The following COPZ2 variants were observed in gnomAD, a reference collection of about 807,000 sequenced individuals.
COPZ2 encodes the protein coat protein complex I subunit zeta 2.
In COPZ2, 30 loss-of-function variants were observed where a neutral mutation model predicts 33.2. The observed-to-expected ratio is 0.90, with a 90% CI of 0.68 to 1.23. The LOEUF is 1.23. Among genes scored for constraint, COPZ2 ranks in the 50% most tolerant of loss-of-function variants. The pLI, the probability that COPZ2 is intolerant of heterozygous loss-of-function variation, is 0.00. For synonymous variants in COPZ2, 89 were observed against 102.6 expected (o/e 0.87, Z 0.80); for missense variants, 263 against 262.4 (o/e 1.00, Z -0.02).
At chr17:48,039,250 G>A (rs2037036924), upstream of COPZ2, among the ~76,000 whole-genome samples, 1 of 151,974 alleles carries the variant, frequency 6.6e-6, no homozygotes, top group African/African-American at 2.4e-5. Flanking sequence ...GTGGGCAGAA[G>A]GCTTGAGCCC....
upstream of COPZ2, among the ~76,000 whole-genome samples, chr17:48,040,702 A>G (rs1284802410): frequency 6.6e-6 from 1 of 150,520 alleles, no homozygotes; most frequent in Non-Finnish European, 1.5e-5. Context: ...AAGTGCTGGG[A>G]TTACAGGCAT....
At chr17:48,046,519 T>C in the COPZ2 span, 1 of 152,180 alleles carries the variant, frequency 6.6e-6, no homozygotes, top group Non-Finnish European at 1.5e-5. Flanking sequence ...CAAGCAATCC[T>C]CCCGCCTCGG....
upstream of COPZ2, among the ~76,000 whole-genome samples, chr17:48,042,986 G>C (rs2144325701): frequency 6.6e-6 from 1 of 152,330 alleles, no homozygotes. Context: ...TCCAGTATTG[G>C]GACAGTGTCT....
At chr17:48,035,757 T>TC (rs1171279897) in intron 2 of COPZ2, among the ~76,000 whole-genome samples, 5 of 140,906 alleles carry the variant, frequency 3.5e-5, no homozygotes, top group Non-Finnish European at 6.3e-5. Flanking sequence ...TCTTTTCTTT[T>TC]TTTTTTTTTT....
the COPZ2 span, chr17:48,046,800 G>A: frequency 1.3e-5 from 2 of 149,972 alleles, no homozygotes; most frequent in African/African-American, 4.8e-5. Context: ...AGGCCTGCCT[G>A]CTTGAGTCCC....
At chr17:48,043,153 C>CT in the COPZ2 span, among the ~76,000 whole-genome samples, 1 of 152,214 alleles carries the variant, frequency 6.6e-6, no homozygotes, top group Non-Finnish European at 1.5e-5. Context: ...TCTCTGCCCT[C>CT]TACTCCCTTC....
the COPZ2 span, among the ~76,000 whole-genome samples, chr17:48,043,945 T>C: frequency 1.3e-5 from 2 of 152,146 alleles, no homozygotes; most frequent in African/African-American, 2.4e-5. Context: ...TACAGGACAG[T>C]TGAACTCAGC....
upstream of COPZ2, among the ~76,000 whole-genome samples, chr17:48,040,324 C>T (rs935821129): frequency 1.3e-5 from 2 of 152,070 alleles, no homozygotes; most frequent in Non-Finnish European, 2.9e-5. Context: ...CCTCCTGCCT[C>T]GGCCTCCCAA....
In COPZ2 at chr17:48,026,189, T is replaced by G; in HGVS notation, c.*239A>C. On this transcript the variant is annotated 3_prime_UTR_variant, in exon 9 of 9. Coordinates refer to ENST00000621465, the MANE Select transcript of COPZ2 (RefSeq NM_016429.4). ...CCCTTGGCAGAAGACAAAAGCAGGT[T>G]TATTAGGGCCCTGGGGCCAGGAATG... is the stretch of plus-strand genomic sequence containing the variant. 1 of 523,168 alleles carries G rather than the reference T, an allele frequency of 1.9e-6. No homozygotes were observed. The highest frequency in any genetic ancestry group is 3.4e-6 in the Non-Finnish European group (1 of 295,566). The allele number at this position is 523,168 out of a possible 1,614,324, so 32.4% of individuals were successfully genotyped here.
rs1283183224 is a variant in COPZ2, at chr17:48,037,243, G to A, written c.112-318C>T. On this transcript the variant is annotated intron_variant, in intron 1 of 8. Coordinates refer to ENST00000621465, the MANE Select transcript of COPZ2 (RefSeq NM_016429.4). This position sits in a 1 kb window ranked among gnomAD's most constrained non-coding sequence, Gnocchi z 5.6. ...TGTATCACAGAACCTGGGCCGGGGG[G>A]GACAGCGGGCCGAGCCTCCTTCTTC... is the stretch of plus-strand genomic sequence containing the variant. The A allele has an allele frequency of 3.3e-6, 2 of 597,916 alleles. No homozygotes were observed. The highest frequency in any genetic ancestry group is 3.7e-5 in the East Asian group (1 of 26,968). The allele number at this position is 597,916 out of a possible 1,614,324, so 37.0% of individuals were successfully genotyped here.
In COPZ2 at chr17:48,028,588, T is replaced by TG; in HGVS notation, c.547-79dup. 1 of 1,374,770 alleles carries TG rather than the reference T, an allele frequency of 7.3e-7. No individual in the cohort carries two copies. Among genetic ancestry groups the TG allele is most frequent in the Admixed American group, 2.0e-5 (1 of 50,514 alleles). 85.2% of individuals were successfully genotyped at this position (1,374,770 alleles called of 1,614,324 possible). On this transcript the variant is annotated intron_variant, in intron 7 of 8. Coordinates refer to ENST00000621465, the MANE Select transcript of COPZ2 (RefSeq NM_016429.4). The surrounding 1 kb of genome is among the most constrained non-coding windows in gnomAD (Gnocchi z 4.5). ...GTCAGGGAGGTGAAGGAAAGGGGCT[T>TG]GGGGGTATGGGTGAGGTGGTGCAGT...
At chr17:48,032,033 G>A in intron 6 of COPZ2, 123 bp downstream of exon 6, 2 of 750,626 alleles carry the variant, frequency 2.7e-6, no homozygotes, top group South Asian at 3.1e-5. Context: ...GGGATCCCTG[G>A]GAATATGCTG....
At chr17:48,030,289 A>AACACAC (rs71935471) in intron 6 of COPZ2, among the ~76,000 whole-genome samples, 20,151 of 128,174 alleles carry the variant, frequency 0.16, 1,451 homozygotes, top group South Asian at 0.25. Context: ...TCCATCTCAA[A>AACACAC]ACACACACAC....
chr17:48,035,471 C>T (rs2036965402), intron 2 of COPZ2, among the ~76,000 whole-genome samples: 1 of 152,232 alleles, frequency 6.6e-6, no homozygotes, highest in Non-Finnish European at 1.5e-5. Flanking sequence ...TCATGGCTCA[C>T]TGCAGCCTCA....
At chr17:48,035,557 G>C (rs563062572) in intron 2 of COPZ2, among the ~76,000 whole-genome samples, 1 of 151,838 alleles carries the variant, frequency 6.6e-6, no homozygotes, top group Non-Finnish European at 1.5e-5. Context: ...CACCACGCCC[G>C]GCTAATTTTC....
chr17:48,037,945 C>T (rs191141052), upstream of COPZ2: 1 of 745,428 alleles, frequency 1.3e-6, no homozygotes, highest in Non-Finnish European at 1.6e-6. This position sits in a 1 kb window ranked among gnomAD's most constrained non-coding sequence, Gnocchi z 5.6. Context: ...CCCCACCTCT[C>T]CTTCCCCCAC....
At chr17:48,030,869 G>C (rs1309638932) in intron 6 of COPZ2, among the ~76,000 whole-genome samples, 1 of 152,216 alleles carries the variant, frequency 6.6e-6, no homozygotes, top group African/African-American at 2.4e-5. Flanking sequence ...TTTCCTTCAA[G>C]AGGGTTCACC....
chr17:48,037,059 C>T lies in COPZ2; in HGVS notation c.112-134G>A. 2.3e-6 allele frequency: 2 copies of T among 860,690 alleles called. No individual in the cohort carries two copies. The highest frequency in any genetic ancestry group is 4.0e-6 in the Non-Finnish European group (2 of 503,718). The allele number at this position is 860,690 out of a possible 1,614,324, so 53.3% of individuals were successfully genotyped here. A position where few individuals can be genotyped will look rare whatever the true frequency, so the allele number is the denominator to read the frequency against. On this transcript the variant is annotated intron_variant, in intron 1 of 8. Coordinates refer to ENST00000621465, the MANE Select transcript of COPZ2 (RefSeq NM_016429.4). This position sits in a 1 kb window ranked among gnomAD's most constrained non-coding sequence, Gnocchi z 5.6. ...TCCTCAAGGTCCACAGCTGGTTCTG[C>T]CCAGCCCTGTGCCACATGGGCCAAC...
Position 48,026,488 on chromosome 17 carries a change from G to C in COPZ2, c.586-13C>G, listed in dbSNP as rs1207866173. The C allele has an allele frequency of 1.3e-6, 2 of 1,598,674 alleles. No homozygotes were observed. The highest frequency in any genetic ancestry group is 1.7e-6 in the Non-Finnish European group (2 of 1,166,496). ...CAGACTGAAGAACCTGGGGTGGGGT[G>C]GGGGAGGTTGAGAGAGAATTGAGAA... On this transcript the variant is annotated splice_polypyrimidine_tract_variant and intron_variant, in intron 8 of 8. Coordinates refer to ENST00000621465, the MANE Select transcript of COPZ2 (RefSeq NM_016429.4).
Sources: allele counts gnomAD v4.1 joint callset (sites outside exome capture counted in the v4.1 genomes callset), GRCh38; gene constraint gnomAD v4.1.1; non-coding constraint Gnocchi (gnomAD v3.1); transcripts MANE v1.5; gene names NCBI Gene and HGNC (gene_info 2026-07-23, HGNC 2026-07-21).